Variants in ZNF469 observed in about 807,000 individuals in gnomAD.
ZNF469 encodes zinc finger protein 469.
A neutral mutation model predicts 1.0 loss-of-function variants in ZNF469; 1 was observed. That is an observed-to-expected ratio of 1.00 (90% confidence interval 0.35 to 4.73). ZNF469 has a LOEUF of 4.73. ZNF469 is among the 30% of genes most tolerant of loss of function. The pLI, the probability that ZNF469 is intolerant of heterozygous loss-of-function variation, is 0.16. For synonymous variants in ZNF469, 2,703 were observed against 2,363.4 expected (o/e 1.14, Z -4.17); for missense variants, 6,100 against 5,356.3 (o/e 1.14, Z -4.33).
the ZNF469 span, among the ~76,000 whole-genome samples, chr16:88,351,408 G>C: frequency 6.6e-6 from 1 of 152,150 alleles, no homozygotes; most frequent in Non-Finnish European, 1.5e-5. Context: ...TAAATTCAGG[G>C]GATCTGAGAC....
At chr16:88,229,930 C>T in the ZNF469 span, among the ~76,000 whole-genome samples, 10 of 152,186 alleles carry the variant, frequency 6.6e-5, no homozygotes, top group East Asian at 3.9e-4. Context: ...CCCGGGGGCG[C>T]GCTCTGTTCT....
the ZNF469 span, among the ~76,000 whole-genome samples, chr16:88,265,872 T>C: frequency 6.6e-6 from 1 of 152,188 alleles, no homozygotes; most frequent in African/African-American, 2.4e-5. Flanking sequence ...GTGGTTTCTG[T>C]CCTTTGGTTT....
At chr16:88,107,471 G>A in the ZNF469 span, among the ~76,000 whole-genome samples, 13 of 152,212 alleles carry the variant, frequency 8.5e-5, no homozygotes, top group South Asian at 2.1e-4. Context: ...GAACTGCCCC[G>A]TGATTCAGTC....
At chr16:88,316,861 G>A in the ZNF469 span, among the ~76,000 whole-genome samples, 19,752 of 152,088 alleles carry the variant, frequency 0.13, 2,062 homozygotes, top group African/African-American at 0.29. Context: ...TGCTGTCTCA[G>A]TGCCGCATTG....
At chr16:88,379,224 G>A (rs2142254405), upstream of ZNF469, among the ~76,000 whole-genome samples, 1 of 152,308 alleles carries the variant, frequency 6.6e-6, no homozygotes, top group Admixed American at 6.5e-5. Context: ...TGGAGCTCTG[G>A]GCAGCATGTG....
Position 88,438,837 on chromosome 16 carries a change from C to A in ZNF469, c.11367C>A (p.Cys3789Ter), listed in dbSNP as rs1275383085. The change falls in exon 3 of 3, where the codon TGC becomes TGA. Residue 3789 changes from cysteine (C) to a stop codon, truncating the protein, a stop_gained. Transcript: ENST00000565624. LOFTEE classifies it low-confidence loss of function (END_TRUNC). Reference protein sequence around the residue: ...RLPARAQAKSCTKGPREAGEQ... With the variant: ...RLPARAQAKS The stretch of plus-strand genomic sequence containing the variant: ...CCGCTCGAGCCCAAGCCAAGAGCTG[C>A]ACCAAGGGGCCAAGGGAAGCTGGTG... 2 of 1,550,252 alleles carry A rather than the reference C, an allele frequency of 1.3e-6. No homozygotes were observed. Among genetic ancestry groups the A allele is most frequent in the African/African-American group, 2.7e-5 (2 of 73,042 alleles).
chr16:88,289,083 G>T, the ZNF469 span, among the ~76,000 whole-genome samples: 1 of 151,950 alleles, frequency 6.6e-6, no homozygotes, highest in Non-Finnish European at 1.5e-5. Context: ...TGATGATGAG[G>T]ATGTTGATAG....
chr16:88,273,047 C>G, the ZNF469 span, among the ~76,000 whole-genome samples: 1 of 149,702 alleles, frequency 6.7e-6, no homozygotes, highest in Non-Finnish European at 1.5e-5. Context: ...TGTGGATAGA[C>G]GAGTGGATAG....
chr16:88,115,724 C>T, the ZNF469 span, among the ~76,000 whole-genome samples: 270 of 135,408 alleles, frequency 2.0e-3, 1 homozygote, highest in African/African-American at 6.9e-3. Context: ...TCCTTCCAGC[C>T]GTACTCCTTC....
At chr16:88,211,801 A>G in the ZNF469 span, among the ~76,000 whole-genome samples, 2 of 152,042 alleles carry the variant, frequency 1.3e-5, no homozygotes, top group Non-Finnish European at 2.9e-5. Context: ...TGAGTTTCCT[A>G]TTAGAATGTT....
the ZNF469 span, among the ~76,000 whole-genome samples, chr16:88,245,762 A>G: frequency 6.6e-6 from 1 of 152,256 alleles, no homozygotes; most frequent in African/African-American, 2.4e-5. Flanking sequence ...TTTACTCTGG[A>G]TCAGAGCTGC....
chr16:88,436,476 G>A lies in ZNF469; in HGVS notation c.9006G>A (p.Met3002Ile), dbSNP rs956774576. The A allele has an allele frequency of 4.5e-6, 7 of 1,546,514 alleles. No homozygotes were observed. Among genetic ancestry groups the A allele is most frequent in the Admixed American group, 2.0e-5 (1 of 50,986 alleles). Residue 3002 changes from methionine (M) to isoleucine (I), a missense_variant, in exon 3 of 3, where the codon ATG becomes ATA. Transcript: ENST00000565624. ...CAGCGGCTTGGCGAGGCCTGGAGAT[G>A]CCGGCCCCTGCCGATGACTCCTCCT... ...MVPAAWRGLE[M>I]PAPADDSSSS...
the ZNF469 span, among the ~76,000 whole-genome samples, chr16:88,290,092 A>C: frequency 6.6e-6 from 1 of 152,208 alleles, no homozygotes; most frequent in Non-Finnish European, 1.5e-5. Flanking sequence ...ATCGTGGGTG[A>C]GCTGTCTGTA....
intron 2 of ZNF469, among the ~76,000 whole-genome samples, chr16:88,426,781 G>C (rs1415534490): frequency 2.1e-5 from 3 of 140,606 alleles, no homozygotes; most frequent in African/African-American, 7.6e-5. Context: ...TGACGGCAGG[G>C]GAGTCCCCGC....
the ZNF469 span, among the ~76,000 whole-genome samples, chr16:88,143,195 G>A: frequency 7.2e-5 from 11 of 152,356 alleles, no homozygotes; most frequent in South Asian, 2.3e-3. Context: ...TTCAGTCATG[G>A]CATCAGGGGC....
chr16:88,172,015 C>T, the ZNF469 span, among the ~76,000 whole-genome samples: 9 of 152,092 alleles, frequency 5.9e-5, no homozygotes, highest in South Asian at 1.5e-3. Flanking sequence ...GTGATCCCTG[C>T]GAGAAAGGAC....
the ZNF469 span, among the ~76,000 whole-genome samples, chr16:88,311,711 G>A: frequency 6.6e-6 from 1 of 152,198 alleles, no homozygotes. Context: ...GTGAGTACCT[G>A]CCAGGTAGAT....
Position 88,436,519 on chromosome 16 carries a change from A to G in ZNF469, c.9049A>G (p.Ser3017Gly), listed in dbSNP as rs1906588224. The change falls in exon 3 of 3, where the codon AGC becomes GGC. Residue 3017 changes from serine (S) to glycine (G), a missense_variant. Physicochemically the swap from Ser to Gly is moderately conservative, Grantham distance 56 (BLOSUM62 0). Transcript: ENST00000565624. The part of the protein sequence containing the change: ...DDSSSSLGDV[S>G]PEPPSLERER... ...CTCCTCCTCTTCTCTCGGAGATGTG[A>G]GCCCCGAGCCCCCCAGCCTGGAGAG... 3 of 1,548,856 alleles carry G rather than the reference A, an allele frequency of 1.9e-6. No individual in the cohort carries two copies. The highest frequency in any genetic ancestry group is 2.7e-5 in the African/African-American group (2 of 73,148).
intron 1 of ZNF469, among the ~76,000 whole-genome samples, chr16:88,407,381 A>T (rs1003855259): frequency 2.0e-5 from 3 of 152,256 alleles, no homozygotes; most frequent in African/African-American, 7.2e-5. Context: ...CGAAGGAAGG[A>T]GCAAGCCTGG....
Sources: gnomAD v4.1 joint callset for allele counts (sites outside exome capture counted in the v4.1 genomes callset) on GRCh38, gnomAD v4.1.1 for gene constraint, MANE v1.5 for transcripts, NCBI Gene and HGNC (gene_info 2026-07-23, HGNC 2026-07-21) for gene names.